PDE4D: variants seen among roughly 807,000 people sequenced by gnomAD.
PDE4D encodes phosphodiesterase 4D.
A neutral mutation model predicts 87.4 loss-of-function variants in PDE4D; 24 were observed. The observed-to-expected ratio is 0.27, with a 90% CI of 0.20 to 0.39. PDE4D has a LOEUF of 0.39. PDE4D is among the 10% of genes least tolerant of loss of function. PDE4D has a pLI of 1.00. For missense variants in PDE4D, 714 were observed against 1,041.0 expected, an observed-to-expected ratio of 0.69 and a Z score of 4.32; for synonymous variants, 384 against 383.2, an observed-to-expected ratio of 1.00 and a Z score of -0.02.
chr5:60,042,349 A>G (rs1447864142), intron 2 of PDE4D, among the ~76,000 whole-genome samples: 1 of 152,160 alleles, frequency 6.6e-6, no homozygotes, highest in Non-Finnish European at 1.5e-5. Context: ...CACCTGGGGG[A>G]AGGGGTGCCT....
intron 1 of PDE4D, among the ~76,000 whole-genome samples, chr5:59,572,926 C>T (rs1223297119): frequency 3.3e-5 from 5 of 152,188 alleles, no homozygotes; most frequent in African/African-American, 9.7e-5. Flanking sequence ...TGAGCAGATA[C>T]CATGATTTAT....
chr5:59,858,505 G>A (rs1745795100), intron 1 of PDE4D, among the ~76,000 whole-genome samples: 1 of 151,912 alleles, frequency 6.6e-6, no homozygotes, highest in Admixed American at 6.6e-5. Context: ...CTTTTGTGTT[G>A]GGCTTGTTTT....
chr5:59,933,793 A>ATATAT (rs1343398649), intron 3 of PDE4D, among the ~76,000 whole-genome samples: 18 of 35,622 alleles, frequency 5.1e-4, no homozygotes, highest in African/African-American at 2.2e-3. Context: ...TATATATATT[A>ATATAT]ATAAGCATTC....
chr5:60,410,108 C>A (rs1643119400), intron 1 of PDE4D, among the ~76,000 whole-genome samples: 1 of 152,088 alleles, frequency 6.6e-6, no homozygotes, highest in Non-Finnish European at 1.5e-5. Flanking sequence ...CCTATGGCAA[C>A]CTTTGAGGTA....
At chr5:59,753,406 G>C (rs563399658) in intron 1 of PDE4D, among the ~76,000 whole-genome samples, 49 of 152,232 alleles carry the variant, frequency 3.2e-4, no homozygotes, top group South Asian at 1.0e-3. Flanking sequence ...CAGATAAACA[G>C]AAGTAGAAAA....
At chr5:60,209,141 C>T (rs1417807231) in intron 1 of PDE4D, among the ~76,000 whole-genome samples, 1 of 151,258 alleles carries the variant, frequency 6.6e-6, no homozygotes, top group Non-Finnish European at 1.5e-5. Flanking sequence ...CCAGCAAGCC[C>T]TTAGAAATCC....
chr5:59,462,783 T>A (rs1800970076), intron 1 of PDE4D, among the ~76,000 whole-genome samples: 1 of 152,158 alleles, frequency 6.6e-6, no homozygotes, highest in South Asian at 2.1e-4. Flanking sequence ...ACTGTGTCTT[T>A]CATATGTACT....
At chr5:60,314,525 G>A (rs950752020) in intron 1 of PDE4D, among the ~76,000 whole-genome samples, 3 of 151,944 alleles carry the variant, frequency 2.0e-5, no homozygotes, top group African/African-American at 7.3e-5. Flanking sequence ...TAGGGTACAT[G>A]TGCACAACAT....
intron 1 of PDE4D, among the ~76,000 whole-genome samples, chr5:60,298,842 C>T (rs1753646037): frequency 6.6e-6 from 1 of 152,082 alleles, no homozygotes; most frequent in Non-Finnish European, 1.5e-5. Flanking sequence ...GCAATAACAA[C>T]AAGAGAAACA....
chr5:60,415,441 C>T (rs1407753822), intron 1 of PDE4D, among the ~76,000 whole-genome samples: 1 of 152,228 alleles, frequency 6.6e-6, no homozygotes, highest in Non-Finnish European at 1.5e-5. Context: ...CCTCAGCTTG[C>T]GGGGAGGTGT....
intron 1 of PDE4D, among the ~76,000 whole-genome samples, chr5:59,620,631 G>T (rs777302471): frequency 6.6e-6 from 1 of 152,128 alleles, no homozygotes; most frequent in Non-Finnish European, 1.5e-5. Flanking sequence ...GCACATTAGG[G>T]TGATTTGGTG....
At chr5:59,395,093 C>A (rs1789106128) in intron 1 of PDE4D, among the ~76,000 whole-genome samples, 1 of 152,112 alleles carries the variant, frequency 6.6e-6, no homozygotes, top group African/African-American at 2.4e-5. Context: ...CCCACGGAGT[C>A]TCGCTGATTG....
chr5:60,196,948 C>G (rs140650894), intron 1 of PDE4D, among the ~76,000 whole-genome samples: 1 of 151,220 alleles, frequency 6.6e-6, no homozygotes, highest in African/African-American at 2.4e-5. Context: ...ATAGTCTGTA[C>G]TTTGTATCAT....
chr5:59,235,406 G>A (rs998182744), intron 1 of PDE4D, among the ~76,000 whole-genome samples: 3 of 152,194 alleles, frequency 2.0e-5, no homozygotes, highest in African/African-American at 4.8e-5. Context: ...GTGACCCTGG[G>A]CAATAAGTGA....
At chr5:60,348,542 A>G (rs1758919417) in intron 1 of PDE4D, among the ~76,000 whole-genome samples, 1 of 152,154 alleles carries the variant, frequency 6.6e-6, no homozygotes, top group South Asian at 2.1e-4. Flanking sequence ...TGAAACAGCT[A>G]AGTGAACTAT....
intron 2 of PDE4D, among the ~76,000 whole-genome samples, chr5:60,020,826 G>A (rs1399053919): frequency 5.3e-5 from 8 of 152,184 alleles, no homozygotes; most frequent in African/African-American, 1.9e-4. Context: ...ATTACATTAA[G>A]CCACAACATA....
At chr5:59,074,618 C>T (rs111294841) in intron 5 of PDE4D, among the ~76,000 whole-genome samples, 2 of 152,046 alleles carry the variant, frequency 1.3e-5, no homozygotes, top group East Asian at 1.9e-4. Flanking sequence ...CATAACTAGG[C>T]GTGGTGGTGC....
At chr5:59,858,696 C>T (rs942857787) in intron 1 of PDE4D, among the ~76,000 whole-genome samples, 9 of 152,136 alleles carry the variant, frequency 5.9e-5, no homozygotes, top group Non-Finnish European at 1.2e-4. Flanking sequence ...AGTTGCCCCT[C>T]AGATTTGTTA....
chr5:59,524,724 T>G (rs1812778739), intron 1 of PDE4D, among the ~76,000 whole-genome samples: 1 of 152,114 alleles, frequency 6.6e-6, no homozygotes, highest in Non-Finnish European at 1.5e-5. Flanking sequence ...AAGACTTTAT[T>G]TTGTGGGGTG....
Sources: gnomAD v4.1 joint callset for allele counts (sites outside exome capture counted in the v4.1 genomes callset) on GRCh38, gnomAD v4.1.1 for gene constraint, MANE v1.5 for transcripts, NCBI Gene and HGNC (gene_info 2026-07-23, HGNC 2026-07-21) for gene names.